Variants in SHISA9 observed in about 807,000 individuals in gnomAD.
The protein encoded by SHISA9 is shisa family member 9.
A neutral mutation model predicts 38.0 loss-of-function variants in SHISA9; 13 were observed. The ratio of observed to expected loss-of-function variants is 0.34; its 90% confidence interval spans 0.22 to 0.54. The LOEUF is 0.54. Ranked by LOEUF, SHISA9 falls within the 20% of genes least tolerant of loss-of-function variation. SHISA9 has a pLI of 0.91. For missense variants in SHISA9, 538 were observed against 575.8 expected, an observed-to-expected ratio of 0.93 and a Z score of 0.67; for synonymous variants, 275 against 242.0, an observed-to-expected ratio of 1.14 and a Z score of -1.27.
rs368593356 is a variant in SHISA9 at position 13,185,677 on chromosome 16, G to A, written c.692-17717G>A. ...ACCTGTTTCCCTCACTGGACTCTGA[G>A]CTTCTCAAAGGCAGGAGTGAGTCTT... On this transcript the variant is annotated intron_variant, in intron 2 of 4. Coordinates refer to ENST00000558583, the MANE Select transcript of SHISA9 (RefSeq NM_001145204.3). Among the ~76,000 whole-genome samples, 5 of 152,284 alleles carry A rather than the reference G, an allele frequency of 3.3e-5. No individual in the cohort carries two copies. The South Asian group carries it at 1.0e-3, about 32-fold the overall frequency.
chr16:13,187,047 C>A (rs1279221376), intron 2 of SHISA9, among the ~76,000 whole-genome samples: 2 of 152,158 alleles, frequency 1.3e-5, no homozygotes, highest in Admixed American at 6.5e-5. Flanking sequence ...TCTACAAATA[C>A]CACTTCGAGA....
At chr16:13,362,027 A>C in the SHISA9 span, among the ~76,000 whole-genome samples, 2 of 152,098 alleles carry the variant, frequency 1.3e-5, no homozygotes, top group Non-Finnish European at 2.9e-5. Flanking sequence ...GATTCACTTA[A>C]CATTTCCAGG....
the SHISA9 span, among the ~76,000 whole-genome samples, chr16:13,316,194 C>T: frequency 6.6e-6 from 1 of 151,900 alleles, no homozygotes; most frequent in Admixed American, 6.6e-5. Context: ...GCCTGGGAAG[C>T]GAGGGTGGAG....
At chr16:13,031,776 G>A (rs1371270335) in intron 2 of SHISA9, among the ~76,000 whole-genome samples, 1 of 152,190 alleles carries the variant, frequency 6.6e-6, no homozygotes, top group African/African-American at 2.4e-5. Context: ...ATTTGCACAA[G>A]TGAGATTGAT....
chr16:12,944,807 G>T (rs570292238), intron 2 of SHISA9, among the ~76,000 whole-genome samples: 1 of 152,096 alleles, frequency 6.6e-6, no homozygotes, highest in Non-Finnish European at 1.5e-5. Flanking sequence ...GCCTTGGTTT[G>T]ACTTTCCTAC....
intron 4 of SHISA9, among the ~76,000 whole-genome samples, chr16:13,222,354 G>T (rs2051235407): frequency 1.3e-5 from 2 of 152,174 alleles, no homozygotes; most frequent in Non-Finnish European, 2.9e-5. Context: ...CTCCAACCTT[G>T]TTGCACTATG....
chr16:13,353,277 A>T, the SHISA9 span, among the ~76,000 whole-genome samples: 2 of 152,184 alleles, frequency 1.3e-5, no homozygotes, highest in Admixed American at 6.5e-5. Context: ...ACGGTTTTGT[A>T]TGAACTGAAA....
At chr16:13,102,128 G>C (rs1195389931) in intron 2 of SHISA9, among the ~76,000 whole-genome samples, 3 of 152,132 alleles carry the variant, frequency 2.0e-5, no homozygotes, top group Non-Finnish European at 4.4e-5. Flanking sequence ...CTTGAAGTTG[G>C]GGCTACTAAT....
At chr16:13,246,558 A>G in the SHISA9 span, among the ~76,000 whole-genome samples, 1 of 152,184 alleles carries the variant, frequency 6.6e-6, no homozygotes, top group Non-Finnish European at 1.5e-5. Context: ...ATTACCAATT[A>G]TTGAACATTT....
chr16:12,909,132 C>T, intron 1 of SHISA9: 4 of 985,604 alleles, frequency 4.1e-6, no homozygotes, highest in Non-Finnish European at 4.8e-6. Flanking sequence ...CTACTGTTGG[C>T]CACAGAAAAG....
chr16:13,381,996 T>C, the SHISA9 span, among the ~76,000 whole-genome samples: 1 of 152,140 alleles, frequency 6.6e-6, no homozygotes, highest in Non-Finnish European at 1.5e-5. Context: ...AAAATATGAA[T>C]TATACTTAAA....
intron 2 of SHISA9, among the ~76,000 whole-genome samples, chr16:13,072,561 G>T (rs2073530648): frequency 6.6e-6 from 1 of 152,220 alleles, no homozygotes; most frequent in Admixed American, 6.5e-5. Context: ...AGTTCTAGCA[G>T]CTCCTACGCT....
At chr16:13,173,325 A>T (rs1234493118) in intron 2 of SHISA9, among the ~76,000 whole-genome samples, 1 of 149,888 alleles carries the variant, frequency 6.7e-6, no homozygotes, top group Admixed American at 6.7e-5. Flanking sequence ...ATATATATAT[A>T]TCCTATATAT....
In SHISA9 at chr16:12,916,816, G is replaced by A; in HGVS notation, c.691+1G>A. On this transcript the variant is annotated splice_donor_variant, in intron 2 of 4. Transcript: ENST00000558583. LOFTEE classifies it high-confidence loss of function. ...ACGAGAACCCCCATAAATAATCTTC[G>A]TAAGTACAGCTGCATGAACCATTTC... The A allele has an allele frequency of 6.4e-7, 1 of 1,551,376 alleles. No homozygotes were observed. Among genetic ancestry groups the A allele is most frequent in the South Asian group, 1.2e-5 (1 of 84,020 alleles).
the SHISA9 span, among the ~76,000 whole-genome samples, chr16:13,312,631 T>C: frequency 6.6e-6 from 1 of 152,206 alleles, no homozygotes; most frequent in Non-Finnish European, 1.5e-5. Flanking sequence ...GAAAATCAAA[T>C]ATATTTATCA....
chr16:13,173,794 G>A (rs886139529), intron 2 of SHISA9, among the ~76,000 whole-genome samples: 5 of 152,150 alleles, frequency 3.3e-5, no homozygotes, highest in African/African-American at 1.2e-4. Context: ...ACAGAGTCAG[G>A]TCAATGTATT....
chr16:13,416,786 AGGAAG>A, the SHISA9 span, among the ~76,000 whole-genome samples: 1 of 110,640 alleles, frequency 9.0e-6, no homozygotes, highest in East Asian at 2.4e-4. Flanking sequence ...GAAGGAAGGA[AGGAAG>A]GGAAGGAAGG....
chr16:13,127,054 G>A (rs1440401983), intron 2 of SHISA9, among the ~76,000 whole-genome samples: 1 of 147,418 alleles, frequency 6.8e-6, no homozygotes, highest in Non-Finnish European at 1.5e-5. Context: ...GAGAGAGACT[G>A]AGGGAAGGAG....
At chr16:13,265,534 C>T in the SHISA9 span, among the ~76,000 whole-genome samples, 1 of 131,844 alleles carries the variant, frequency 7.6e-6, no homozygotes, top group East Asian at 2.3e-4. Flanking sequence ...TTTCCTCTCC[C>T]TTCCCTTCCC....
Sources: gnomAD v4.1 joint callset for allele counts (sites outside exome capture counted in the v4.1 genomes callset) on GRCh38, gnomAD v4.1.1 for gene constraint, MANE v1.5 for transcripts, NCBI Gene and HGNC (gene_info 2026-07-23, HGNC 2026-07-21) for gene names.